Variants in FCER2 observed in about 807,000 individuals in gnomAD.
The protein encoded by FCER2 is Fc epsilon receptor II.
Under a neutral mutation model 49.7 loss-of-function variants are expected in FCER2, and 38 were observed. That is an observed-to-expected ratio of 0.76 (90% CI 0.59 to 1.00). The LOEUF (loss-of-function observed/expected upper bound fraction) is 1.00. Among genes scored for constraint, FCER2 ranks in the 50% least tolerant of loss-of-function variants. The pLI is 0.00. For missense variants in FCER2, 425 were observed against 419.5 expected, an observed-to-expected ratio of 1.01 and a Z score of -0.11; for synonymous variants, 163 against 164.6, an observed-to-expected ratio of 0.99 and a Z score of 0.07.
At chr19:7,697,171 G>A in intron 6 of FCER2, 65 bp downstream of exon 6, 1 of 1,606,940 alleles carries the variant, frequency 6.2e-7, no homozygotes, top group Non-Finnish European at 8.5e-7. Flanking sequence ...TGGTTCCCCA[G>A]GGCTCTGAGA....
At chr19:7,696,092 C>A (rs539291203) in intron 8 of FCER2, among the ~76,000 whole-genome samples, 24 of 151,798 alleles carry the variant, frequency 1.6e-4, no homozygotes, top group African/African-American at 5.3e-4. Flanking sequence ...CGCCACCACA[C>A]CCGGTTAATT....
chr19:7,696,083 G>A (rs1043650035), intron 8 of FCER2, among the ~76,000 whole-genome samples: 4 of 151,452 alleles, frequency 2.6e-5, no homozygotes, highest in African/African-American at 4.8e-5. Flanking sequence ...ACGTATGCCC[G>A]CCACCACACC....
chr19:7,694,146 T>C (rs948066417), intron 8 of FCER2, among the ~76,000 whole-genome samples: 7 of 152,190 alleles, frequency 4.6e-5, no homozygotes, highest in Middle Eastern at 3.4e-3. Flanking sequence ...TTGAGATGAG[T>C]GTGCTTCTCA....
At chr19:7,692,335 C>T (rs2032901600) in intron 8 of FCER2, among the ~76,000 whole-genome samples, 1 of 138,730 alleles carries the variant, frequency 7.2e-6, no homozygotes, top group Non-Finnish European at 1.5e-5. Context: ...AACACATCAA[C>T]TACCAACACC....
intron 1 of FCER2, among the ~76,000 whole-genome samples, chr19:7,701,404 C>T (rs1568492414): frequency 6.6e-6 from 1 of 152,098 alleles, no homozygotes; most frequent in Non-Finnish European, 1.5e-5. Flanking sequence ...ATGAGCAGCT[C>T]AGTTTGCTCA....
Position 7,698,912 on chromosome 19 carries a change from T to C in FCER2, c.23-58A>G, listed in dbSNP as rs897989889. ...AGGGTGAAGCTGGATGCTGGCCCTG[T>C]CCGTCTCTCCATTACCCAGAGCCCC... On this transcript the variant is annotated intron_variant, in intron 2 of 10. Transcript: ENST00000597921. 17 of 1,525,504 alleles carry C rather than the reference T, an allele frequency of 1.1e-5. No individual in the cohort carries two copies. The African/African-American group carries it at 2.1e-4, about 19-fold the overall frequency. 94.5% of individuals were successfully genotyped at this position (1,525,504 alleles called of 1,614,324 possible). A position where few individuals can be genotyped will look rare whatever the true frequency, so the allele number is the denominator to read the frequency against.
intron 8 of FCER2, among the ~76,000 whole-genome samples, chr19:7,693,215 A>T (rs990555129): frequency 6.6e-6 from 1 of 152,094 alleles, no homozygotes; most frequent in African/African-American, 2.4e-5. Context: ...CCTGGTCATC[A>T]TCACTGGCAG....
At chr19:7,699,028 C>T (rs1458673698) in intron 2 of FCER2, among the ~76,000 whole-genome samples, 174 bp from the exon 3 acceptor site, 2 of 152,054 alleles carry the variant, frequency 1.3e-5, no homozygotes, top group African/African-American at 2.4e-5. Flanking sequence ...TTACCTGACT[C>T]AGGGCTGGGT....
chr19:7,689,443 G>T lies in FCER2; in HGVS notation c.729-13C>A. On this transcript the variant is annotated splice_polypyrimidine_tract_variant and intron_variant, in intron 10 of 10. Coordinates refer to ENST00000597921, the MANE Select transcript of FCER2 (RefSeq NM_001220500.2). ...TGGAGCCCAGTTGCTGGAGCAAAAG[G>T]CTTTGGGTCAGGGGATGGGGCGGGG... 1 of 1,550,652 alleles carries T rather than the reference G, an allele frequency of 6.4e-7. No individual in the cohort carries two copies. The highest frequency in any genetic ancestry group is 2.3e-5 in the East Asian group (1 of 43,524).
At position 7,700,107 on chromosome 19, in the gene FCER2, T is replaced by C; in HGVS notation, c.-85-262A>G. The C allele has an allele frequency of 6.6e-6, 2 of 301,794 alleles. 1 individual carries two copies. Among genetic ancestry groups the C allele is most frequent in the South Asian group, 1.3e-4 (2 of 15,778 alleles). 18.7% of individuals were successfully genotyped at this position (301,794 alleles called of 1,614,324 possible). ...CATGAGATCTTGACAAATGGCTTAA[T>C]TAACCTGGAAACTTCTTTCCTCATT... is the stretch of plus-strand genomic sequence containing the variant. On this transcript the variant is annotated intron_variant, in intron 1 of 10. Transcript: ENST00000597921.
In FCER2 at chr19:7,689,297, A is replaced by T. The variant is rs765777552; in HGVS notation, c.862T>A (p.Cys288Ser). The T allele has an allele frequency of 1.1e-5, 17 of 1,613,170 alleles. No individual in the cohort carries two copies. Among genetic ancestry groups the T allele is most frequent in the Non-Finnish European group, 1.3e-5 (15 of 1,179,818 alleles). Residue 288 changes from cysteine to serine, a missense_variant, in exon 11 of 11, where the codon TGC (cysteine) becomes AGC (serine). Physicochemically the swap from Cys to Ser is moderately radical, Grantham distance 112. Transcript: ENST00000597921. ...GAACCTTCGCTGGCTGGCGGCGTGC[A>T]TGTGGCCAGCCGGTCGCACACCCAG... ...GAWVCDRLATCTPPASEGSAE... is the reference protein window; with the variant it reads ...GAWVCDRLATSTPPASEGSAE...
At position 7,702,033 on chromosome 19, in the gene FCER2, A is replaced by C; in HGVS notation, c.-104T>G. Reference sequence around the variant, plus strand: ...TACGTACTCACTTAGTGGAGTTTGGAGCCTGTGTCTGTCCTCCTAGTGTGT... The same window carrying C: ...TACGTACTCACTTAGTGGAGTTTGGCGCCTGTGTCTGTCCTCCTAGTGTGT... On this transcript the variant is annotated 5_prime_UTR_variant, in exon 1 of 11. Coordinates refer to ENST00000597921, the MANE Select transcript of FCER2 (RefSeq NM_001220500.2). The C allele has an allele frequency of 6.6e-6, 1 of 152,072 alleles. No individual in the cohort carries two copies. 9.4% of individuals were successfully genotyped at this position (152,072 alleles called of 1,614,324 possible).
rs117396061 is a variant in FCER2 at position 7,689,365 on chromosome 19, G to C, written c.794C>G (p.Ser265Cys). ...GCAGAAGGCGTCGTTCCAGCGACCG[G>C]AGCCCCGCATCATCACGCAGTCCTC... The part of the protein sequence containing the change: ...QGEDCVMMRG[S>C]GRWNDAFCDR... The change falls in exon 11 of 11, where the codon TCC (serine) becomes TGC (cysteine). Residue 265 changes from serine (S) to cysteine (C), a missense_variant. Coordinates refer to ENST00000597921, the MANE Select transcript of FCER2 (RefSeq NM_001220500.2). 1.2e-4 allele frequency: 188 copies of C among 1,610,136 alleles called. 2 individuals carry two copies. The East Asian group carries it at 2.7e-3, about 24-fold the overall frequency.
rs1379085751 is a variant in FCER2, at chr19:7,696,836, T to G, written c.458A>C (p.Gln153Pro). ...EEVTKLRMELQVSSGFVCNTC... is the reference protein window; with the variant it reads ...EEVTKLRMELPVSSGFVCNTC... ...ACTCACACACTCACCGCTGGACACC[T>G]GCAACTCCATCCTTAGCTTTGTCAC... The change falls in exon 8 of 11, where the codon CAG (glutamine) becomes CCG (proline). Residue 153 changes from glutamine to proline, a missense_variant. Transcript: ENST00000597921. 2.5e-6 allele frequency: 4 copies of G among 1,578,152 alleles called. No homozygotes were observed. The highest frequency in any genetic ancestry group is 2.6e-6 in the Non-Finnish European group (3 of 1,160,894).
chr19:7,695,002 T>C (rs2032976319), intron 8 of FCER2, among the ~76,000 whole-genome samples: 1 of 152,112 alleles, frequency 6.6e-6, no homozygotes, highest in Non-Finnish European at 1.5e-5. Flanking sequence ...ATCTGGCTAA[T>C]TTTTTCATGT....
intron 8 of FCER2, among the ~76,000 whole-genome samples, chr19:7,693,854 G>T (rs1444817928): frequency 1.3e-5 from 2 of 151,588 alleles, no homozygotes; most frequent in African/African-American, 2.4e-5. Flanking sequence ...TCACCATGTT[G>T]GTCAGGCTGG....
At chr19:7,697,654 T>A in intron 4 of FCER2, 65 bp from the exon 5 acceptor site, 1 of 1,349,914 alleles carries the variant, frequency 7.4e-7, no homozygotes, top group Non-Finnish European at 1.1e-6. Flanking sequence ...ACCCCGCCTA[T>A]GCCCCAGGCT....
chr19:7,690,722 G>A (rs778661052), intron 8 of FCER2, among the ~76,000 whole-genome samples, 165 bp from the exon 9 acceptor site: 1 of 152,104 alleles, frequency 6.6e-6, no homozygotes, highest in Non-Finnish European at 1.5e-5. Context: ...TTCTCTGCTG[G>A]AGCTATGATG....
chr19:7,690,676 C>A, intron 8 of FCER2, 119 bp from the exon 9 acceptor site: 1 of 966,794 alleles, frequency 1.0e-6, no homozygotes, highest in Non-Finnish European at 1.5e-6. Flanking sequence ...AAAGCAGACC[C>A]ACCCCAGGGC....
Sources: allele counts gnomAD v4.1 joint callset (sites outside exome capture counted in the v4.1 genomes callset), GRCh38; gene constraint gnomAD v4.1.1; transcripts MANE v1.5; gene names NCBI Gene and HGNC (gene_info 2026-07-23, HGNC 2026-07-21).